Variants in PKHD1 observed in about 807,000 individuals in gnomAD.
PKHD1 encodes the protein fibrocystin.
Under a neutral mutation model 412.0 loss-of-function variants are expected in PKHD1, and 291 were observed. The observed-to-expected ratio is 0.71, with a 90% CI of 0.64 to 0.78. The LOEUF is 0.78. Among genes scored for constraint, PKHD1 ranks in the 30% least tolerant of loss-of-function variants. The probability of loss-of-function intolerance (pLI) is 0.00; values close to 1 mark genes in which losing one functional copy is unlikely to be tolerated. For synonymous variants in PKHD1, 1,777 were observed against 1,821.5 expected (o/e 0.98, Z 0.62); for missense variants, 4,825 against 4,950.7 (o/e 0.97, Z 0.76).
At chr6:51,628,853 G>C (rs994673997) in intron 65 of PKHD1, among the ~76,000 whole-genome samples, 10 of 152,054 alleles carry the variant, frequency 6.6e-5, no homozygotes, top group Non-Finnish European at 1.0e-4. Context: ...AATGGCACTG[G>C]CAAAATAATA....
intron 11 of PKHD1, among the ~76,000 whole-genome samples, chr6:52,067,945 C>T (rs539623315): frequency 6.6e-6 from 1 of 152,174 alleles, no homozygotes; most frequent in South Asian, 2.1e-4. Flanking sequence ...GTCAGGGCCT[C>T]TAGAAACCAC....
chr6:52,083,140 T>C (rs1264535934), intron 3 of PKHD1, 38 bp downstream of exon 3: 4 of 1,285,352 alleles, frequency 3.1e-6, no homozygotes, highest in South Asian at 2.4e-5. Context: ...TGTGGGTCAA[T>C]ACATAAGAAA....
chr6:51,994,235 C>T (rs1409348198), intron 35 of PKHD1, among the ~76,000 whole-genome samples: 1 of 151,814 alleles, frequency 6.6e-6, no homozygotes, highest in Admixed American at 6.6e-5. Context: ...CCCGGGTTCA[C>T]GCCATTCTCC....
chr6:51,872,632 C>A (rs982681894), intron 46 of PKHD1, among the ~76,000 whole-genome samples: 3 of 152,042 alleles, frequency 2.0e-5, no homozygotes, highest in Non-Finnish European at 2.9e-5. Context: ...AGGTCTCCAA[C>A]CCCTGACCTC....
chr6:51,993,710 A>G (rs747926359), intron 35 of PKHD1, among the ~76,000 whole-genome samples: 13 of 152,248 alleles, frequency 8.5e-5, no homozygotes, highest in Admixed American at 2.0e-4. Flanking sequence ...AAACACTTTT[A>G]AAGAACTTCC....
chr6:51,628,781 G>A (rs374046480), intron 65 of PKHD1, among the ~76,000 whole-genome samples: 30 of 152,216 alleles, frequency 2.0e-4, no homozygotes, highest in African/African-American at 6.7e-4. Flanking sequence ...ACTGGTGTGA[G>A]ATGGTATCTT....
At chr6:51,660,527 C>T (rs1772659083) in intron 60 of PKHD1, among the ~76,000 whole-genome samples, 2 of 152,122 alleles carry the variant, frequency 1.3e-5, no homozygotes, top group Admixed American at 1.3e-4. Flanking sequence ...AATTGCAAGT[C>T]CTAGGCTGTG....
chr6:51,628,063 C>T (rs1204345509), intron 65 of PKHD1, among the ~76,000 whole-genome samples: 2 of 151,946 alleles, frequency 1.3e-5, no homozygotes, highest in East Asian at 3.9e-4. Flanking sequence ...AGGAAATAGA[C>T]CTTTTCTTTT....
chr6:52,074,747 C>T (rs1811111988), intron 6 of PKHD1, among the ~76,000 whole-genome samples: 1 of 152,182 alleles, frequency 6.6e-6, no homozygotes, highest in Non-Finnish European at 1.5e-5. Context: ...TCTCTTGTCC[C>T]TACCACCTCC....
At position 52,074,192 on chromosome 6, in the gene PKHD1, A is replaced by C. The variant is rs572085135; in HGVS notation, c.449-651T>G. ...TACTGAGGGACTCATGAGGTCATGA[A>C]ATCCAGAAGACTGAGCCTCTTTATA... On this transcript the variant is annotated intron_variant, in intron 6 of 66. Transcript: ENST00000371117. 2.6e-5 allele frequency among the ~76,000 whole-genome samples: 4 copies of C among 152,370 alleles called. No individual in the cohort carries two copies. The East Asian group carries it at 7.7e-4, about 29-fold the overall frequency.
intron 60 of PKHD1, among the ~76,000 whole-genome samples, chr6:51,732,971 T>C (rs1392507400): frequency 6.6e-6 from 1 of 152,162 alleles, no homozygotes; most frequent in Non-Finnish European, 1.5e-5. Flanking sequence ...ACAACATGGA[T>C]GAACCCTGAG....
At chr6:51,890,712 A>G (rs1345395148) in intron 43 of PKHD1, among the ~76,000 whole-genome samples, 3 of 152,220 alleles carry the variant, frequency 2.0e-5, no homozygotes, top group Non-Finnish European at 4.4e-5. Flanking sequence ...TGGGGAAAAA[A>G]GCATGCACAG....
chr6:51,996,567 T>TA (rs1368529186), intron 35 of PKHD1, among the ~76,000 whole-genome samples: 29 of 152,274 alleles, frequency 1.9e-4, no homozygotes, highest in African/African-American at 6.7e-4. Context: ...CCACTGAAGA[T>TA]ATGTGTGTTT....
Position 51,830,888 on chromosome 6 carries a change from G to C in PKHD1, c.8275C>G (p.Pro2759Ala). Residue 2759 changes from proline to alanine, a missense_variant, in exon 52 of 67, where the codon CCT becomes GCT. Physicochemically the swap from Pro to Ala is conservative, Grantham distance 27. Transcript: ENST00000371117. ...GGTAAAATGAGAACGTCATCCCCAG[G>C]GCCTGGAATGGTATTGTTGTATCCT... ...WGGYNNTIPG[P>A]GDDVLILPNR... 1 of 1,612,784 alleles carries C rather than the reference G, an allele frequency of 6.2e-7. No homozygotes were observed. The highest frequency in any genetic ancestry group is 8.5e-7 in the Non-Finnish European group (1 of 1,179,088).
rs751824376 is a variant in PKHD1, at chr6:52,048,476, C to T, written c.2407+16G>A. 6.2e-7 allele frequency: 1 copy of T among 1,613,606 alleles called. No individual in the cohort carries two copies. The highest frequency in any genetic ancestry group is 1.1e-5 in the South Asian group (1 of 91,066). ...TATGTGAGTGAGAATTGTTGCAACC[C>T]CAATCACCCCTTTACCAGAAATCAC... On this transcript the variant is annotated intron_variant, in intron 23 of 66. Coordinates refer to ENST00000371117, the MANE Select transcript of PKHD1 (RefSeq NM_138694.4).
chr6:51,918,960 G>A (rs1034880716), intron 37 of PKHD1, among the ~76,000 whole-genome samples: 12 of 152,070 alleles, frequency 7.9e-5, no homozygotes, highest in South Asian at 2.1e-4. Context: ...CATATCCTTC[G>A]CCCACTTTTT....
At chr6:51,844,104 C>T (rs529707521) in intron 50 of PKHD1, among the ~76,000 whole-genome samples, 125 of 152,312 alleles carry the variant, frequency 8.2e-4, no homozygotes, top group Non-Finnish European at 1.5e-3. Context: ...GAGAAATAGT[C>T]TATCAGGAAA....
intron 46 of PKHD1, among the ~76,000 whole-genome samples, chr6:51,876,961 A>G (rs1203934221): frequency 1.8e-4 from 3 of 16,826 alleles, no homozygotes; most frequent in African/African-American, 1.5e-3. Flanking sequence ...AGGGGTTGCA[A>G]TCCTAGTCTC....
chr6:52,059,297 A>G (rs1290355699), intron 15 of PKHD1, among the ~76,000 whole-genome samples: 182 of 110,782 alleles, frequency 1.6e-3, no homozygotes, highest in African/African-American at 6.6e-3. Context: ...ACAAGGTCTC[A>G]CTCTGTTGCC....
Sources: gnomAD v4.1 joint callset for allele counts (sites outside exome capture counted in the v4.1 genomes callset) on GRCh38, gnomAD v4.1.1 for gene constraint, MANE v1.5 for transcripts, NCBI Gene and HGNC (gene_info 2026-07-23, HGNC 2026-07-21) for gene names.